GATD1: variants seen among roughly 807,000 people sequenced by gnomAD.
GATD1 encodes the protein glutamine amidotransferase-like class 1 domain-containing protein 1.
Under a neutral mutation model 25.9 loss-of-function variants are expected in GATD1, and 23 were observed. The observed-to-expected ratio is 0.89, with a 90% CI of 0.64 to 1.26. The LOEUF (loss-of-function observed/expected upper bound fraction) is 1.26. Among genes scored for constraint, GATD1 ranks in the 50% most tolerant of loss-of-function variants. GATD1 has a pLI of 0.00. For missense variants in GATD1, 347 were observed against 312.5 expected, an observed-to-expected ratio of 1.11 and a Z score of -0.83; for synonymous variants, 177 against 134.6, an observed-to-expected ratio of 1.31 and a Z score of -2.18.
chr11:770,967 G>C (rs1355027758), intron 7 of GATD1, 26 bp downstream of exon 7: 1 of 1,613,620 alleles, frequency 6.2e-7, no homozygotes, highest in Non-Finnish European at 8.5e-7. Flanking sequence ...GATGTGGCAG[G>C]AATGTGCCCA....
Position 767,493 on chromosome 11 carries a change from C to T in GATD1, c.*3404G>A, listed in dbSNP as rs1465249900. Reference sequence around the variant, plus strand: ...ACGCGGAGACAGGTCTGTGGGGCCCCGCGTCAGAACCCACTTCACATCCCA... The same window carrying T: ...ACGCGGAGACAGGTCTGTGGGGCCCTGCGTCAGAACCCACTTCACATCCCA... On this transcript the variant is annotated 3_prime_UTR_variant, in exon 8 of 8. Coordinates refer to ENST00000319863, the MANE Select transcript of GATD1 (RefSeq NM_182612.4). The T allele has an allele frequency of 1.5e-5, 22 of 1,430,900 alleles. No individual in the cohort carries two copies. Among genetic ancestry groups the T allele is most frequent in the Admixed American group, 9.0e-5 (3 of 33,470 alleles). 88.6% of individuals were successfully genotyped at this position (1,430,900 alleles called of 1,614,324 possible).
At position 777,414 on chromosome 11, in the gene GATD1, T is replaced by G; in HGVS notation, c.49A>C (p.Ser17Arg). ...PNRPACLLVA[S>R]GAAEGVSAQS... ...CGGGCCTCACCTTCGGCGGCGCCGC[T>G]GGCCACGAGCAGACAGGCGGGCCTG... is the stretch of plus-strand genomic sequence containing the variant. The change falls in exon 1 of 8, where the codon AGC becomes CGC. Residue 17 changes from serine (S) to arginine (R), a missense_variant. Transcript: ENST00000319863. 1 of 1,295,218 alleles carries G rather than the reference T, an allele frequency of 7.7e-7. No homozygotes were observed. Among genetic ancestry groups the G allele is most frequent in the Non-Finnish European group, 9.8e-7 (1 of 1,020,252 alleles). The allele number at this position is 1,295,218 out of a possible 1,614,324, so 80.2% of individuals were successfully genotyped here.
rs1472142755 is a variant in GATD1, at chr11:769,170, C to T, written c.*1727G>A. ...CACCACACGGGGATGAGAGTGGACC[C>T]GGGACAGAGCAAGGCCCCGTGGCCA... On this transcript the variant is annotated 3_prime_UTR_variant, in exon 8 of 8. Transcript: ENST00000319863. 13 of 985,242 alleles carry T rather than the reference C, an allele frequency of 1.3e-5. No individual in the cohort carries two copies. The highest frequency in any genetic ancestry group is 5.2e-4 in the Middle Eastern group (1 of 1,936). The allele number at this position is 985,242 out of a possible 1,614,324, so 61.0% of individuals were successfully genotyped here.
intron 4 of GATD1, 112 bp from the exon 5 acceptor site, chr11:772,633 C>A (rs4963160): frequency 1.0e-6 from 1 of 955,292 alleles, no homozygotes; most frequent in African/African-American, 1.6e-5. Flanking sequence ...TGCCTGGCCC[C>A]TCCTCCCAGG....
chr11:774,207 G>T, intron 2 of GATD1, 94 bp from the exon 3 acceptor site: 1 of 1,066,842 alleles, frequency 9.4e-7, no homozygotes, highest in Non-Finnish European at 1.4e-6. Context: ...GGACCCAACA[G>T]CATCCCCCTG....
intron 3 of GATD1, 102 bp downstream of exon 3, chr11:773,906 G>T: frequency 9.7e-7 from 1 of 1,030,384 alleles, no homozygotes; most frequent in Non-Finnish European, 1.4e-6. Flanking sequence ...AGGGCTTCAG[G>T]GGCTGAGCTA....
chr11:772,577 C>A, intron 4 of GATD1, 56 bp from the exon 5 acceptor site: 2 of 1,515,912 alleles, frequency 1.3e-6, no homozygotes, highest in African/African-American at 1.4e-5. Flanking sequence ...ACCCTGAAGC[C>A]CCTCCCAGAT....
At position 773,634 on chromosome 11, in the gene GATD1, G is replaced by C. The variant is rs769899588; in HGVS notation, c.248-5C>G. 1.3e-5 allele frequency: 21 copies of C among 1,598,364 alleles called. No individual in the cohort carries two copies. The highest frequency in any genetic ancestry group is 4.0e-5 in the African/African-American group (3 of 74,334). Reference sequence around the variant, plus strand: ...GGAGGGCATGGTACCGGGCACCTGGGGGGAGACCACAAACCAGGTAGCAGC... The same window carrying C: ...GGAGGGCATGGTACCGGGCACCTGGCGGGAGACCACAAACCAGGTAGCAGC... On this transcript the variant is annotated splice_polypyrimidine_tract_variant and splice_region_variant and intron_variant, in intron 3 of 7. Coordinates refer to ENST00000319863, the MANE Select transcript of GATD1 (RefSeq NM_182612.4).
rs949525763 is a variant in GATD1, at chr11:768,418, T to C, written c.*2479A>G. The C allele has an allele frequency of 2.0e-5, 3 of 147,204 alleles. No homozygotes were observed. The highest frequency in any genetic ancestry group is 7.6e-5 in the African/African-American group (3 of 39,400). 9.1% of individuals were successfully genotyped at this position (147,204 alleles called of 1,614,324 possible). ...TGGGAGGCAGAGGCAGAGGTTGCAG[T>C]GAGCTGAGATCGCGCCACTGCACTC... On this transcript the variant is annotated 3_prime_UTR_variant, in exon 8 of 8. Coordinates refer to ENST00000319863, the MANE Select transcript of GATD1 (RefSeq NM_182612.4).
intron 4 of GATD1, 55 bp from the exon 5 acceptor site, chr11:772,576 C>A: frequency 1.1e-5 from 17 of 1,520,934 alleles, no homozygotes; most frequent in Non-Finnish European, 1.5e-5. Context: ...CACCCTGAAG[C>A]CCCTCCCAGA....
intron 3 of GATD1, 34 bp from the exon 4 acceptor site, chr11:773,663 A>G (rs555724132): frequency 6.6e-7 from 1 of 1,518,226 alleles, no homozygotes; most frequent in South Asian, 1.2e-5. Flanking sequence ...TAGCAGCCAC[A>G]TGTCAAAGTG....
At chr11:773,943 T>C in intron 3 of GATD1, 65 bp downstream of exon 3, 1 of 1,464,938 alleles carries the variant, frequency 6.8e-7, no homozygotes. Context: ...CCCAAACCTA[T>C]CTGGAACCCT....
Position 770,511 on chromosome 11 carries a change from AC to A in GATD1, c.*385del. 1 of 1,430,208 alleles carries A rather than the reference AC, an allele frequency of 7.0e-7. No homozygotes were observed. The highest frequency in any genetic ancestry group is 9.1e-7 in the Non-Finnish European group (1 of 1,094,022). 88.6% of individuals were successfully genotyped at this position (1,430,208 alleles called of 1,614,324 possible). A position where few individuals can be genotyped will look rare whatever the true frequency, so the allele number is the denominator to read the frequency against. ...AGAGGTGGTGGGTGGCAGACAGGCC[AC>A]AGCAGGGCAAACCCACACAGAGGAC... On this transcript the variant is annotated 3_prime_UTR_variant, in exon 8 of 8. Transcript: ENST00000319863.
rs745864081 is a variant in GATD1, at chr11:771,082, G to A, written c.567C>T (p.His189=). ...TGACCAGGTGGCGGTCCAGCACGAC[G>A]TGGACAGCGTCAGGCTCGCTTGCTG... ...CFSASEPDAV[H]VVLDRHLVTG... Residue 189 remains histidine (H), a synonymous_variant, in exon 7 of 8, where the codon CAC becomes CAT. Transcript: ENST00000319863. 1.3e-5 allele frequency: 21 copies of A among 1,606,860 alleles called. No homozygotes were observed. The highest frequency in any genetic ancestry group is 1.2e-4 in the African/African-American group (9 of 74,800).
Position 770,547 on chromosome 11 carries a change from G to A in GATD1, c.*350C>T, listed in dbSNP as rs189667239. ...AACCCACACAGAGGACCCCCGAGCC[G>A]ACTCTGTCTAGTCAACAGTGACCAC... On this transcript the variant is annotated 3_prime_UTR_variant, in exon 8 of 8. Transcript: ENST00000319863. 63 of 1,411,744 alleles carry A rather than the reference G, an allele frequency of 4.5e-5. No individual in the cohort carries two copies. The highest frequency in any genetic ancestry group is 3.3e-4 in the East Asian group (13 of 39,556). The allele number at this position is 1,411,744 out of a possible 1,614,324, so 87.5% of individuals were successfully genotyped here.
chr11:770,500 GCAGA>G lies in GATD1; in HGVS notation c.*393_*396del. The G allele has an allele frequency of 7.0e-7, 1 of 1,436,308 alleles. No individual in the cohort carries two copies. Among genetic ancestry groups the G allele is most frequent in the Non-Finnish European group, 9.1e-7 (1 of 1,095,890 alleles). 89.0% of individuals were successfully genotyped at this position (1,436,308 alleles called of 1,614,324 possible). On this transcript the variant is annotated 3_prime_UTR_variant, in exon 8 of 8. Transcript: ENST00000319863. ...CCAACAGTGAAAGAGGTGGTGGGTG[GCAGA>G]CAGGCCACAGCAGGGCAAACCCACA... is the stretch of plus-strand genomic sequence containing the variant.
intron 6 of GATD1, 48 bp downstream of exon 6, chr11:771,284 GC>G: frequency 6.3e-7 from 1 of 1,589,822 alleles, no homozygotes; most frequent in Non-Finnish European, 8.6e-7. Context: ...CAGCAGGGAA[GC>G]CCCCCACCCC....
Position 777,437 on chromosome 11 carries a change from C to CTGTTA in GATD1, c.21_25dup (p.Arg9IlefsTer50). On this transcript the variant is annotated frameshift_variant, in exon 1 of 8. Transcript: ENST00000319863. LOFTEE classifies it high-confidence loss of function. Reference sequence around the variant, plus strand: ...GCTGGCCACGAGCAGACAGGCGGGCCTGTTAGGGAGCCGCTCGGACGCCAT... The same window carrying CTGTTA: ...GCTGGCCACGAGCAGACAGGCGGGCCTGTTATGTTAGGGAGCCGCTCGGACGCCAT... 1 of 1,269,102 alleles carries CTGTTA rather than the reference C, an allele frequency of 7.9e-7. No homozygotes were observed. Among genetic ancestry groups the CTGTTA allele is most frequent in the Non-Finnish European group, 9.9e-7 (1 of 1,007,518 alleles). 78.6% of individuals were successfully genotyped at this position (1,269,102 alleles called of 1,614,324 possible).
rs370274220 is a variant in GATD1, at chr11:770,993, C to T, written c.656G>A (p.Arg219Gln). Residue 219 changes from arginine (R) to glutamine (Q), a missense_variant and splice_region_variant, in exon 7 of 8, where the codon CGG (arginine) becomes CAG (glutamine). Coordinates refer to ENST00000319863, the MANE Select transcript of GATD1 (RefSeq NM_182612.4). ...AATGTGCCCACCCTGGTGCCCTCAC[C>T]GGCTGCCACAGAGGAAGAGCAGGTT... is the stretch of plus-strand genomic sequence containing the variant. ...VQNLLFLCGS[R>Q]K The T allele has an allele frequency of 5.6e-6, 9 of 1,613,302 alleles. No homozygotes were observed. Among genetic ancestry groups the T allele is most frequent in the Middle Eastern group, 1.6e-4 (1 of 6,062 alleles).
Sources: gnomAD v4.1 joint callset for allele counts on GRCh38, gnomAD v4.1.1 for gene constraint, MANE v1.5 for transcripts, NCBI Gene and HGNC (gene_info 2026-07-23, HGNC 2026-07-21) for gene names.